C4orf17: variants seen among roughly 807,000 people sequenced by gnomAD.
The protein encoded by C4orf17 is chromosome 4 open reading frame 17, also known as uncharacterized protein C4orf17.
Under a neutral mutation model 32.0 loss-of-function variants are expected in C4orf17, and 25 were observed. That is an observed-to-expected ratio of 0.78 (90% CI 0.57 to 1.09). The LOEUF (loss-of-function observed/expected upper bound fraction) is 1.09. Ranked by LOEUF, C4orf17 falls within the 50% of genes least tolerant of loss-of-function variation. C4orf17 has a pLI of 0.00. For synonymous variants in C4orf17, 149 were observed against 145.8 expected (o/e 1.02, Z -0.16); for missense variants, 420 against 420.0 (o/e 1.00, Z 0.00).
intron 3 of C4orf17, among the ~76,000 whole-genome samples, chr4:99,523,882 A>G (rs1723337840): frequency 6.6e-6 from 1 of 152,100 alleles, no homozygotes; most frequent in African/African-American, 2.4e-5. Flanking sequence ...TTCTGTCTAA[A>G]GGTCAAATAA....
intron 5 of C4orf17, among the ~76,000 whole-genome samples, chr4:99,536,364 C>T (rs769444374): frequency 1.3e-5 from 2 of 152,202 alleles, no homozygotes; most frequent in Admixed American, 1.3e-4. Flanking sequence ...TGCCTCTCCC[C>T]CAAGGGGCTC....
intron 2 of C4orf17, among the ~76,000 whole-genome samples, chr4:99,516,729 CG>C (rs1422404504): frequency 1.3e-5 from 2 of 152,066 alleles, no homozygotes; most frequent in Non-Finnish European, 2.9e-5. Flanking sequence ...AATGGGAAGT[CG>C]GGGTGGAGAA....
chr4:99,515,494 A>G (rs1379885846), intron 2 of C4orf17, among the ~76,000 whole-genome samples: 1 of 152,142 alleles, frequency 6.6e-6, no homozygotes, highest in Non-Finnish European at 1.5e-5. Context: ...GAGCTAAATG[A>G]TGAGAACACA....
intron 2 of C4orf17, among the ~76,000 whole-genome samples, 167 bp from the exon 3 acceptor site, chr4:99,522,333 T>A (rs549478201): frequency 7.2e-6 from 1 of 138,392 alleles, no homozygotes; most frequent in Admixed American, 7.0e-5. Flanking sequence ...TACCTTGCAC[T>A]GGTTCATAAT....
Position 99,537,735 on chromosome 4 carries a change from C to G in C4orf17, c.613C>G (p.His205Asp). Residue 205 changes from histidine to aspartate, a missense_variant, in exon 6 of 9, where the codon CAT becomes GAT. Transcript: ENST00000326581. ...SLAEVLQWLL[H>D]ATSKEKEWVS... ...GGCAGAAGTTTTACAGTGGCTGCTT[C>G]ATGCAACTTCAAAAGGTGCGATTAA... The G allele has an allele frequency of 6.2e-7, 1 of 1,611,562 alleles. No individual in the cohort carries two copies. Among genetic ancestry groups the G allele is most frequent in the Non-Finnish European group, 8.5e-7 (1 of 1,178,970 alleles).
At chr4:99,512,627 T>C (rs1385936572) in intron 1 of C4orf17, among the ~76,000 whole-genome samples, 1 of 150,900 alleles carries the variant, frequency 6.6e-6, no homozygotes, top group African/African-American at 2.5e-5. Context: ...TTGTGAGTAT[T>C]GTATTTAAAA....
At chr4:99,512,729 A>C (rs1723114206) in intron 1 of C4orf17, among the ~76,000 whole-genome samples, 1 of 152,198 alleles carries the variant, frequency 6.6e-6, no homozygotes, top group Non-Finnish European at 1.5e-5. Flanking sequence ...TTAAAAACAG[A>C]ATATACTTTA....
intron 2 of C4orf17, among the ~76,000 whole-genome samples, chr4:99,519,700 G>C (rs1010802684): frequency 6.6e-6 from 1 of 152,188 alleles, no homozygotes; most frequent in Admixed American, 6.5e-5. Context: ...CATTCTAGCT[G>C]CATTGTAGAA....
intron 8 of C4orf17, chr4:99,540,717 G>C (rs1022001978): frequency 3.2e-6 from 1 of 313,754 alleles, no homozygotes; most frequent in Non-Finnish European, 5.9e-6. Flanking sequence ...TATAGGTTTG[G>C]TTATAGCAAT....
intron 4 of C4orf17, 108 bp downstream of exon 4, chr4:99,524,693 C>A: frequency 3.0e-6 from 2 of 672,372 alleles, no homozygotes; most frequent in Non-Finnish European, 5.2e-6. Context: ...AATATTTTTA[C>A]AGCTTTAGTA....
chr4:99,529,707 G>A, intron 4 of C4orf17, 108 bp from the exon 5 acceptor site: 3 of 821,866 alleles, frequency 3.7e-6, no homozygotes, highest in Non-Finnish European at 3.5e-6. Context: ...TTACTTTCAT[G>A]TATCTCTCTT....
At chr4:99,515,955 C>T (rs141472180) in intron 2 of C4orf17, among the ~76,000 whole-genome samples, 142 of 152,058 alleles carry the variant, frequency 9.3e-4, no homozygotes, top group African/African-American at 3.3e-3. Flanking sequence ...CAAGCAATGG[C>T]AGAATATGAG....
chr4:99,530,219 C>A (rs1441836867), intron 5 of C4orf17, among the ~76,000 whole-genome samples: 1 of 152,018 alleles, frequency 6.6e-6, no homozygotes, highest in African/African-American at 2.4e-5. Flanking sequence ...ACAAACCCAA[C>A]CCTATTCTTT....
intron 5 of C4orf17, among the ~76,000 whole-genome samples, chr4:99,536,389 A>G (rs1386607997): frequency 1.3e-5 from 2 of 152,116 alleles, no homozygotes; most frequent in African/African-American, 4.8e-5. Flanking sequence ...CCAGGGGGAG[A>G]TCAGAGCTCT....
chr4:99,535,851 C>A (rs916461726), intron 5 of C4orf17: 1 of 405,686 alleles, frequency 2.5e-6, no homozygotes, highest in African/African-American at 2.1e-5. Flanking sequence ...TGCATTGATT[C>A]TTTTTCATCT....
chr4:99,541,790 G>T (rs979325828), intron 8 of C4orf17, 120 bp from the exon 9 acceptor site: 1 of 704,112 alleles, frequency 1.4e-6, no homozygotes, highest in South Asian at 1.8e-5. Flanking sequence ...TGAATTTTGG[G>T]TGTATCTGAT....
At chr4:99,533,830 T>C (rs1030876084) in intron 5 of C4orf17, among the ~76,000 whole-genome samples, 3 of 152,108 alleles carry the variant, frequency 2.0e-5, no homozygotes, top group Non-Finnish European at 4.4e-5. Flanking sequence ...AGGACTTCAA[T>C]TCAGACCCCA....
At chr4:99,520,236 C>A (rs1004085585) in intron 2 of C4orf17, among the ~76,000 whole-genome samples, 4 of 150,114 alleles carry the variant, frequency 2.7e-5, no homozygotes, top group Non-Finnish European at 5.9e-5. Context: ...ACTACAGGCG[C>A]CTGCCACTGT....
intron 3 of C4orf17, among the ~76,000 whole-genome samples, chr4:99,524,138 C>T (rs1392040965): frequency 2.6e-5 from 4 of 151,890 alleles, no homozygotes; most frequent in Non-Finnish European, 4.4e-5. Context: ...CGCCACCACG[C>T]CCGGCTAATT....
Sources: allele counts gnomAD v4.1 joint callset (sites outside exome capture counted in the v4.1 genomes callset), GRCh38; gene constraint gnomAD v4.1.1; transcripts MANE v1.5; gene names NCBI Gene and HGNC (gene_info 2026-07-23, HGNC 2026-07-21).